The following AKAP11 variants were observed in gnomAD, a reference collection of about 807,000 sequenced individuals.
AKAP11 encodes the protein A-kinase anchoring protein 11, also known as A-kinase anchor protein 11.
Under a neutral mutation model 146.1 loss-of-function variants are expected in AKAP11, and 36 were observed. That is an observed-to-expected ratio of 0.25 (90% CI 0.19 to 0.33). The LOEUF is 0.33. Among genes scored for constraint, AKAP11 ranks in the 10% least tolerant of loss-of-function variants. The probability of loss-of-function intolerance (pLI) is 1.00; values close to 1 mark genes in which losing one functional copy is unlikely to be tolerated. For synonymous variants in AKAP11, 780 were observed against 786.5 expected, an observed-to-expected ratio of 0.99 and a Z score of 0.14; for missense variants, 2,201 against 2,197.0, an observed-to-expected ratio of 1.00 and a Z score of -0.04.
intron 5 of AKAP11, among the ~76,000 whole-genome samples, chr13:42,296,229 A>C (rs1019184493): frequency 1.3e-5 from 2 of 152,162 alleles, no homozygotes; most frequent in Admixed American, 6.6e-5. Flanking sequence ...TAGAGGAGGA[A>C]ATAACATTTT....
At chr13:42,297,844 C>G (rs572175753) in intron 6 of AKAP11, among the ~76,000 whole-genome samples, 15 of 151,992 alleles carry the variant, frequency 9.9e-5, no homozygotes, top group African/African-American at 3.4e-4. Context: ...GCCAATAAAA[C>G]TAGAACTGCT....
Position 42,299,453 on chromosome 13 carries a change from T to C in AKAP11, c.707T>C (p.Leu236Pro). ...TTAGAAACCCATGATTTAAAGATTC[T>C]CATTAGCTCTGGACAGCAGAAGTCA... Reference protein sequence around the residue: ...HHLETHDLKILISSGQQKSLA... With the variant: ...HHLETHDLKIPISSGQQKSLA... The change falls in exon 8 of 13, where the codon CTC becomes CCC. Residue 236 changes from leucine to proline, a missense_variant. Around this residue, in one of 3 missense-constraint regions of AKAP11, gnomAD observed 331 missense variants for 347.4 expected, o/e 0.95. Transcript: ENST00000025301. The C allele has an allele frequency of 6.2e-7, 1 of 1,613,890 alleles. No homozygotes were observed. The highest frequency in any genetic ancestry group is 8.5e-7 in the Non-Finnish European group (1 of 1,179,828).
rs1959822152 is a variant in AKAP11 at position 42,300,683 on chromosome 13, T to G, written c.1937T>G (p.Phe646Cys). ...ATATTCACAAACACAGTTGCTAGGT[T>G]TGCTGCAGATCTTGCTGAAGAGCTT... is the stretch of plus-strand genomic sequence containing the variant. ...KQIFTNTVAR[F>C]AADLAEELVF... Residue 646 changes from phenylalanine (F) to cysteine (C), a missense_variant, in exon 8 of 13, where the codon TTT becomes TGT. By Grantham distance (205) the Phe-to-Cys change is radical. Coordinates refer to ENST00000025301, the MANE Select transcript of AKAP11 (RefSeq NM_016248.4). 2.5e-6 allele frequency: 4 copies of G among 1,614,014 alleles called. No individual in the cohort carries two copies. The African/African-American group carries it at 5.3e-5, about 22-fold the overall frequency.
chr13:42,299,013 A>G (rs1411113912), intron 7 of AKAP11, among the ~76,000 whole-genome samples: 2 of 152,028 alleles, frequency 1.3e-5, no homozygotes, highest in African/African-American at 4.8e-5. Flanking sequence ...TTTCATATTT[A>G]GTTGGTGCTG....
intron 11 of AKAP11, among the ~76,000 whole-genome samples, chr13:42,314,679 A>G (rs914552345): frequency 1.3e-5 from 2 of 152,144 alleles, no homozygotes; most frequent in Non-Finnish European, 2.9e-5. Context: ...TGAGTCAGTA[A>G]GTAATATTTT....
At chr13:42,289,062 A>C (rs1277201125) in intron 3 of AKAP11, among the ~76,000 whole-genome samples, 21 of 152,170 alleles carry the variant, frequency 1.4e-4, no homozygotes, top group Non-Finnish European at 2.9e-5. Context: ...GTTAGCACAT[A>C]ATCTGTGATG....
At chr13:42,313,020 A>G (rs1409697971) in intron 9 of AKAP11, 27 bp from the exon 10 acceptor site, 2 of 1,586,994 alleles carry the variant, frequency 1.3e-6, no homozygotes, top group South Asian at 1.1e-5. Flanking sequence ...TTTCTAGTTC[A>G]GCTCTGTTCT....
At chr13:42,307,235 A>G (rs2138648898) in intron 8 of AKAP11, among the ~76,000 whole-genome samples, 1 of 152,288 alleles carries the variant, frequency 6.6e-6, no homozygotes, top group Non-Finnish European at 1.5e-5. Context: ...ACAAAATTAG[A>G]ATAGCTGAAA....
chr13:42,303,462 G>C lies in AKAP11; in HGVS notation c.4716G>C (p.Arg1572Ser), dbSNP rs763605647. The C allele has an allele frequency of 6.2e-7, 1 of 1,614,106 alleles. No individual in the cohort carries two copies. Among genetic ancestry groups the C allele is most frequent in the South Asian group, 1.1e-5 (1 of 91,080 alleles). The stretch of plus-strand genomic sequence containing the variant: ...CTGAGACCACAAAATCAGCAGACAG[G>C]GTCACTTATGCAGAAAAGTTGTCAC... ...RVSETTKSADRVTYAEKLSPL... is the reference protein window; with the variant it reads ...RVSETTKSADSVTYAEKLSPL... The change falls in exon 8 of 13, where the codon AGG becomes AGC. Residue 1572 changes from arginine (R) to serine (S), a missense_variant. Transcript: ENST00000025301.
At position 42,301,926 on chromosome 13, in the gene AKAP11, T is replaced by C; in HGVS notation, c.3180T>C (p.Phe1060=). Residue 1060 remains phenylalanine (F), a synonymous_variant, in exon 8 of 13, where the codon TTT becomes TTC. Transcript: ENST00000025301. Reference sequence around the variant, plus strand: ...GTACATCACTTGAGGCCTTGTCTTTTGGACAGGAAAACCCCTTTCCTCATT... The same window carrying C: ...GTACATCACTTGAGGCCTTGTCTTTCGGACAGGAAAACCCCTTTCCTCATT... ...LNSTSLEALS[F]GQENPFPHSH... is the part of the protein sequence containing the mutation. 1 of 1,614,202 alleles carries C rather than the reference T, an allele frequency of 6.2e-7. No homozygotes were observed. The highest frequency in any genetic ancestry group is 1.3e-5 in the African/African-American group (1 of 75,068).
At chr13:42,273,461 C>T (rs1958830420) in intron 1 of AKAP11, among the ~76,000 whole-genome samples, 2 of 151,732 alleles carry the variant, frequency 1.3e-5, no homozygotes, top group South Asian at 4.2e-4. Context: ...CAGGGGTGGA[C>T]AGTGAATGTC....
intron 9 of AKAP11, among the ~76,000 whole-genome samples, chr13:42,311,596 G>GT (rs927166728): frequency 1.5e-4 from 22 of 150,816 alleles, no homozygotes; most frequent in Middle Eastern, 3.4e-3. Context: ...TCGTTTAGCT[G>GT]TTTTTTTTTA....
chr13:42,307,621 A>G (rs1198696605), intron 8 of AKAP11, among the ~76,000 whole-genome samples: 1 of 151,874 alleles, frequency 6.6e-6, no homozygotes, highest in Admixed American at 6.6e-5. Flanking sequence ...GGGACTGTGC[A>G]TGTTTGGGAA....
intron 11 of AKAP11, among the ~76,000 whole-genome samples, chr13:42,314,957 C>T (rs1176048240): frequency 6.6e-6 from 1 of 152,042 alleles, no homozygotes; most frequent in Non-Finnish European, 1.5e-5. Flanking sequence ...TCATTATATT[C>T]AGGCGGTTGT....
At chr13:42,291,572 G>T (rs926421709) in intron 3 of AKAP11, among the ~76,000 whole-genome samples, 4 of 152,148 alleles carry the variant, frequency 2.6e-5, no homozygotes, top group African/African-American at 9.7e-5. Flanking sequence ...TTTTGGTGTG[G>T]ATTAAATGAT....
intron 6 of AKAP11, 133 bp from the exon 7 acceptor site, chr13:42,298,400 C>A: frequency 3.3e-6 from 3 of 922,268 alleles, no homozygotes; most frequent in Non-Finnish European, 4.8e-6. Flanking sequence ...CATTACAAAA[C>A]CAAGGAGCTT....
At chr13:42,307,727 G>A (rs1339592138) in intron 8 of AKAP11, among the ~76,000 whole-genome samples, 2 of 152,138 alleles carry the variant, frequency 1.3e-5, no homozygotes, top group African/African-American at 4.8e-5. Flanking sequence ...TCAGATGGAT[G>A]TTATAAGAGG....
rs184530825 is a variant in AKAP11, at chr13:42,307,940, C to A, written c.5118-514C>A. On this transcript the variant is annotated intron_variant, in intron 8 of 12. Coordinates refer to ENST00000025301, the MANE Select transcript of AKAP11 (RefSeq NM_016248.4). ...TGATGATGGAATAAAAGTATAAATG[C>A]CTCTTATTGAGAAAAATGAAAGGGG... Among the ~76,000 whole-genome samples, 4 of 152,158 alleles carry A rather than the reference C, an allele frequency of 2.6e-5. No individual in the cohort carries two copies. The East Asian group carries it at 7.7e-4, about 29-fold the overall frequency.
In AKAP11 at chr13:42,302,510, CATT is replaced by C. The variant is rs201337751; in HGVS notation, c.3767_3769del (p.Leu1256del). 11,265 of 1,614,138 alleles carry C rather than the reference CATT, an allele frequency of 7.0e-3. 41 individuals carry two copies. The highest frequency in any genetic ancestry group is 7.5e-3 in the Non-Finnish European group (8,818 of 1,180,024). On this transcript the variant is annotated inframe_deletion, in exon 8 of 13. Transcript: ENST00000025301. Reference sequence around the variant, plus strand: ...AACCCCTCAGACGAAAATTTGAAAACATTATGCAATTTTGCGGGTGATCTGGCA... The same window carrying C: ...AACCCCTCAGACGAAAATTTGAAAACATGCAATTTTGCGGGTGATCTGGCA...
Sources: allele counts gnomAD v4.1 joint callset (sites outside exome capture counted in the v4.1 genomes callset), GRCh38; gene constraint gnomAD v4.1.1; regional missense constraint gnomAD v4.1.1; transcripts MANE v1.5; gene names NCBI Gene and HGNC (gene_info 2026-07-23, HGNC 2026-07-21).